RASA2: variants seen among roughly 807,000 people sequenced by gnomAD.
The protein encoded by RASA2 is RAS p21 protein activator 2.
RASA2 carries 155 observed loss-of-function variants against 118.2 expected under a neutral mutation model. The observed-to-expected ratio is 1.31, with a 90% CI of 1.15 to 1.50. The LOEUF is 1.50. Among genes scored for constraint, RASA2 ranks in the 40% most tolerant of loss-of-function variants. The pLI, the probability that RASA2 is intolerant of heterozygous loss-of-function variation, is 0.00. For missense variants in RASA2, 1,016 were observed against 1,009.6 expected (o/e 1.01, Z -0.09); for synonymous variants, 353 against 349.1 (o/e 1.01, Z -0.12).
In RASA2 at chr3:141,515,793, G is replaced by A. The variant is rs1277271020; in HGVS notation, c.252-535G>A. Among the ~76,000 whole-genome samples, 3 of 151,456 alleles carry A rather than the reference G, an allele frequency of 2.0e-5. No homozygotes were observed. The East Asian group carries it at 5.9e-4, about 30-fold the overall frequency. The stretch of plus-strand genomic sequence containing the variant: ...CATGTGCCTGTAGTCCCAGCTACTC[G>A]GGAGGCTGAGGCAGGAGAATCGCTT... On this transcript the variant is annotated intron_variant, in intron 2 of 23. Transcript: ENST00000286364.
At chr3:141,610,170 C>G (rs942605628) in intron 23 of RASA2, 104 bp downstream of exon 23, 1 of 992,266 alleles carries the variant, frequency 1.0e-6, no homozygotes, top group Non-Finnish European at 1.4e-6. Flanking sequence ...CTGTCAACAT[C>G]CCGCTCAGGG....
chr3:141,499,072 C>T (rs1255979414), intron 1 of RASA2, among the ~76,000 whole-genome samples: 1 of 152,136 alleles, frequency 6.6e-6, no homozygotes, highest in African/African-American at 2.4e-5. Flanking sequence ...GTGAAACTTG[C>T]CTTTTCGTGT....
intron 19 of RASA2, among the ~76,000 whole-genome samples, chr3:141,593,143 G>T (rs1489731998): frequency 1.3e-5 from 2 of 152,084 alleles, no homozygotes; most frequent in African/African-American, 4.8e-5. Context: ...CACCTCCCAG[G>T]TTTAAGTGAT....
At chr3:141,575,577 A>G (rs1451309476) in intron 14 of RASA2, among the ~76,000 whole-genome samples, 2 of 152,174 alleles carry the variant, frequency 1.3e-5, no homozygotes, top group Non-Finnish European at 2.9e-5. Flanking sequence ...TAGGTGAGAA[A>G]CTAAGGTTTA....
chr3:141,539,302 C>T (rs984801695), intron 4 of RASA2, among the ~76,000 whole-genome samples: 15 of 152,136 alleles, frequency 9.9e-5, no homozygotes, highest in Admixed American at 5.9e-4. Context: ...TCCAGCTCCA[C>T]GTAACTGCTA....
At chr3:141,529,854 A>G (rs770771334) in intron 4 of RASA2, 52 bp downstream of exon 4, 5 of 1,355,574 alleles carry the variant, frequency 3.7e-6, no homozygotes, top group East Asian at 2.3e-5. Context: ...AAATGAGTAA[A>G]AAATGAACTA....
intron 5 of RASA2, among the ~76,000 whole-genome samples, chr3:141,542,183 G>T (rs566735906): frequency 4.0e-5 from 6 of 151,782 alleles, no homozygotes; most frequent in Non-Finnish European, 8.8e-5. Flanking sequence ...GTGTAGTTCA[G>T]TTCCCTCTCC....
At chr3:141,596,265 T>C (rs947802122) in intron 19 of RASA2, among the ~76,000 whole-genome samples, 1 of 152,190 alleles carries the variant, frequency 6.6e-6, no homozygotes, top group Admixed American at 6.5e-5. Flanking sequence ...AAGTAACCTA[T>C]AGATTGAAGA....
intron 5 of RASA2, among the ~76,000 whole-genome samples, chr3:141,544,251 G>A (rs914706272): frequency 6.6e-6 from 1 of 152,050 alleles, no homozygotes; most frequent in Non-Finnish European, 1.5e-5. Context: ...ATCCTGTTTG[G>A]GGTTCGCTCA....
intron 2 of RASA2, 100 bp from the exon 3 acceptor site, chr3:141,516,228 G>A: frequency 1.3e-6 from 1 of 788,676 alleles, no homozygotes; most frequent in Non-Finnish European, 1.7e-6. Flanking sequence ...AAAAAAGAAA[G>A]TGATATTATT....
intron 9 of RASA2, among the ~76,000 whole-genome samples, chr3:141,561,842 C>G (rs1274838168): frequency 6.6e-6 from 1 of 152,116 alleles, no homozygotes; most frequent in Non-Finnish European, 1.5e-5. Flanking sequence ...TTTTTCTTTT[C>G]AACAGAAGCA....
At chr3:141,568,513 A>G (rs1003129167) in intron 9 of RASA2, among the ~76,000 whole-genome samples, 16 of 152,004 alleles carry the variant, frequency 1.1e-4, no homozygotes, top group African/African-American at 3.9e-4. Flanking sequence ...CAAAGTTAAA[A>G]GAGAAAATAA....
intron 19 of RASA2, among the ~76,000 whole-genome samples, chr3:141,599,740 A>G (rs1344718622): frequency 7.1e-6 from 1 of 140,024 alleles, no homozygotes; most frequent in African/African-American, 2.5e-5. Context: ...TTTGTGAACC[A>G]TAGCCAGAGA....
At chr3:141,512,417 T>C (rs2081965561) in intron 2 of RASA2, 137 bp downstream of exon 2, 1 of 618,248 alleles carries the variant, frequency 1.6e-6, no homozygotes, top group East Asian at 3.4e-5. Context: ...TGCCTCAAAA[T>C]GTATCTTCCT....
At chr3:141,532,926 GAAT>G (rs548226999) in intron 4 of RASA2, among the ~76,000 whole-genome samples, 1 of 151,924 alleles carries the variant, frequency 6.6e-6, no homozygotes, top group East Asian at 1.9e-4. Flanking sequence ...TTCATGAAGT[GAAT>G]AATGTTTTCT....
intron 9 of RASA2, among the ~76,000 whole-genome samples, chr3:141,562,564 A>G (rs1340439691): frequency 1.1e-3 from 2 of 1,742 alleles, no homozygotes; most frequent in African/African-American, 4.6e-3. Context: ...GGGAGCTTAC[A>G]GTAAGCTGAG....
chr3:141,534,374 G>A (rs78341452), intron 4 of RASA2, among the ~76,000 whole-genome samples: 4 of 152,012 alleles, frequency 2.6e-5, no homozygotes, highest in Non-Finnish European at 4.4e-5. Context: ...ATCTTTATAG[G>A]GGGGGGAAAA....
At position 141,571,024 on chromosome 3, in the gene RASA2, T is replaced by C; in HGVS notation, c.976T>C (p.Tyr326His). 2 of 1,608,398 alleles carry C rather than the reference T, an allele frequency of 1.2e-6. No individual in the cohort carries two copies. The highest frequency in any genetic ancestry group is 1.7e-6 in the Non-Finnish European group (2 of 1,178,326). ...AGACTACGTGCTTCCTTCAGAGTAC[T>C]ATGGTCCTTTGAAAACTTTGCTGCT... The part of the protein sequence containing the change: ...TEDYVLPSEY[Y>H]GPLKTLLLKS... Residue 326 changes from tyrosine to histidine, a missense_variant, in exon 10 of 24, where the codon TAT becomes CAT. This residue lies in a region of RASA2 where 896 missense variants were observed against 836.4 expected (regional missense o/e 1.07). Coordinates refer to ENST00000286364, the MANE Select transcript of RASA2 (RefSeq NM_006506.5).
At chr3:141,503,024 A>T (rs1559991838) in intron 1 of RASA2, among the ~76,000 whole-genome samples, 3 of 151,778 alleles carry the variant, frequency 2.0e-5, no homozygotes, top group Non-Finnish European at 4.4e-5. Context: ...ATGTAACTGA[A>T]TTTTTTTTTC....
Sources: allele counts gnomAD v4.1 joint callset (sites outside exome capture counted in the v4.1 genomes callset), GRCh38; gene constraint gnomAD v4.1.1; regional missense constraint gnomAD v4.1.1; transcripts MANE v1.5; gene names NCBI Gene and HGNC (gene_info 2026-07-23, HGNC 2026-07-21).